The following HYDIN variants were observed in gnomAD, a reference collection of about 807,000 sequenced individuals.
HYDIN encodes the protein axonemal central pair apparatus protein HYDIN.
A neutral mutation model predicts 403.9 loss-of-function variants in HYDIN; 132 were observed. The observed-to-expected ratio is 0.33, with a 90% CI of 0.28 to 0.38. The LOEUF (loss-of-function observed/expected upper bound fraction) is 0.38. Ranked by LOEUF, HYDIN falls within the 10% of genes least tolerant of loss-of-function variation. The pLI, the probability that HYDIN is intolerant of heterozygous loss-of-function variation, is 1.00. For missense variants in HYDIN, 2,827 were observed against 5,009.5 expected, an observed-to-expected ratio of 0.56 and a Z score of 13.15; for synonymous variants, 1,202 against 1,891.7, an observed-to-expected ratio of 0.64 and a Z score of 9.46.
chr16:71,005,002 A>G (rs1246051810), intron 23 of HYDIN, among the ~76,000 whole-genome samples: 1 of 152,216 alleles, frequency 6.6e-6, no homozygotes, highest in Non-Finnish European at 1.5e-5. Context: ...TATGTTTTAA[A>G]ATGTCTAAGC....
rs112409571 is a variant in HYDIN, at chr16:71,107,771, C to T, written c.1327+7925G>A. 1.1e-4 allele frequency among the ~76,000 whole-genome samples: 16 copies of T among 151,922 alleles called. 1 individual carries two copies. The highest frequency in any genetic ancestry group is 3.9e-4 in the African/African-American group (16 of 41,432). On this transcript the variant is annotated intron_variant, in intron 10 of 85. Transcript: ENST00000393567. ...TATGGAAAGCAGTGTGGTGATTCTT[C>T]AAAAAACAAAAAATAGAACTACCAT...
intron 23 of HYDIN, among the ~76,000 whole-genome samples, chr16:71,017,754 TA>T (rs1199960096): frequency 6.2e-4 from 94 of 151,382 alleles, no homozygotes; most frequent in Admixed American, 1.6e-3. Flanking sequence ...ATTGTACACT[TA>T]AAAATTTGTT....
At position 70,861,030 on chromosome 16, in the gene HYDIN, G is replaced by C. The variant is rs921282767; in HGVS notation, c.11778-129C>G. The C allele has an allele frequency of 1.5e-5, 10 of 650,684 alleles. No individual in the cohort carries two copies. The East Asian group carries it at 2.7e-4, about 18-fold the overall frequency. The allele number at this position is 650,684 out of a possible 1,614,324, so 40.3% of individuals were successfully genotyped here. A position where few individuals can be genotyped will look rare whatever the true frequency, so the allele number is the denominator to read the frequency against. On this transcript the variant is annotated intron_variant, in intron 69 of 85. Coordinates refer to ENST00000393567, the MANE Select transcript of HYDIN (RefSeq NM_001270974.2). ...GGGAGCAGAGGCTGGGTCTGTCTTGGTCAATAGCATCACTCAGTGCCTTGA... is the reference window on the plus strand; with the variant it reads ...GGGAGCAGAGGCTGGGTCTGTCTTGCTCAATAGCATCACTCAGTGCCTTGA...
intron 23 of HYDIN, among the ~76,000 whole-genome samples, chr16:70,993,834 C>G (rs1304190005): frequency 6.6e-6 from 1 of 151,032 alleles, no homozygotes; most frequent in African/African-American, 2.4e-5. Context: ...CTCATCCACA[C>G]TTGGTATTTA....
intron 21 of HYDIN, among the ~76,000 whole-genome samples, chr16:71,024,052 T>C (rs1229808888): frequency 1.3e-5 from 2 of 152,238 alleles, no homozygotes; most frequent in Non-Finnish European, 2.9e-5. Context: ...TTCTCACTGT[T>C]GTATCTCTAG....
chr16:71,210,192 A>T (rs1156913767), intron 1 of HYDIN, among the ~76,000 whole-genome samples: 1 of 152,246 alleles, frequency 6.6e-6, no homozygotes, highest in East Asian at 1.9e-4. Flanking sequence ...TCATTCTACC[A>T]TAAAGACACA....
intron 10 of HYDIN, among the ~76,000 whole-genome samples, chr16:71,106,168 C>CCTCT (rs10549453): frequency 5.5e-5 from 8 of 144,786 alleles, no homozygotes; most frequent in East Asian, 4.1e-4. Flanking sequence ...TCCCTCCCTC[C>CCTCT]CTCTCTCTCT....
At chr16:70,923,820 C>CAA (rs11316592) in intron 45 of HYDIN, among the ~76,000 whole-genome samples, 5 of 50,376 alleles carry the variant, frequency 9.9e-5, no homozygotes, top group East Asian at 5.6e-4. Context: ...GACTCTGTCT[C>CAA]AAAAAAAAAA....
At chr16:70,967,518 G>T (rs2071902609) in intron 36 of HYDIN, among the ~76,000 whole-genome samples, 1 of 151,478 alleles carries the variant, frequency 6.6e-6, no homozygotes. Context: ...GTCTCGCTCT[G>T]TCGCCCAGGC....
rs1567754399 is a variant in HYDIN at position 70,879,711 on chromosome 16, T to C, written c.10261A>G (p.Met3421Val). 7.1e-7 allele frequency: 1 copy of C among 1,408,992 alleles called. No individual in the cohort carries two copies. Among genetic ancestry groups the C allele is most frequent in the Admixed American group, 1.7e-5 (1 of 58,420 alleles). The allele number at this position is 1,408,992 out of a possible 1,614,324, so 87.3% of individuals were successfully genotyped here. A position where few individuals can be genotyped will look rare whatever the true frequency, so the allele number is the denominator to read the frequency against. Residue 3421 changes from methionine (M) to valine (V), a missense_variant, in exon 61 of 86, where the codon ATG (methionine) becomes GTG (valine). Transcript: ENST00000393567. Reference sequence around the variant, plus strand: ...GCATGGGAATGACTGGCAATGCACATCTTGCTGGGTTCCACTTCAAAAATG... The same window carrying C: ...GCATGGGAATGACTGGCAATGCACACCTTGCTGGGTTCCACTTCAAAAATG... ...VDIFEVEPSK[M>V]CIASHSHAFA... is the part of the protein sequence containing the mutation.
chr16:70,944,075 A>G, intron 41 of HYDIN, 126 bp from the exon 42 acceptor site: 1 of 691,448 alleles, frequency 1.4e-6, no homozygotes, highest in Non-Finnish European at 2.4e-6. Flanking sequence ...TACAATGGGA[A>G]CTGCATTATA....
rs1330354771 is a variant in HYDIN at position 71,064,718 on chromosome 16, T to G, written c.2198A>C (p.Glu733Ala). The G allele has an allele frequency of 6.2e-7, 1 of 1,613,914 alleles. No individual in the cohort carries two copies. Among genetic ancestry groups the G allele is most frequent in the Admixed American group, 1.7e-5 (1 of 59,992 alleles). Residue 733 changes from glutamate (E) to alanine (A), a missense_variant, in exon 16 of 86, where the codon GAG (glutamate) becomes GCG (alanine). By Grantham distance (107) the Glu-to-Ala change is moderately radical. Coordinates refer to ENST00000393567, the MANE Select transcript of HYDIN (RefSeq NM_001270974.2). ...AAAGGAACTCACCTGAGGCTGGACC[T>G]CATAGAATCCTGGGAGGTCATCTTG... is the stretch of plus-strand genomic sequence containing the variant. ...ANQDDLPGFY[E>A]VQPQVCEEVP...
At chr16:70,890,402 A>C (rs1377683463) in intron 57 of HYDIN, among the ~76,000 whole-genome samples, 2 of 152,240 alleles carry the variant, frequency 1.3e-5, no homozygotes, top group African/African-American at 4.8e-5. Context: ...AACAGAATTA[A>C]GTCATAATCA....
intron 1 of HYDIN, among the ~76,000 whole-genome samples, chr16:71,203,415 C>T (rs1226617890): frequency 6.6e-6 from 1 of 152,046 alleles, no homozygotes; most frequent in Non-Finnish European, 1.5e-5. Flanking sequence ...AAAATTTATT[C>T]CTGGAGTTTA....
chr16:71,069,478 G>C lies in HYDIN; in HGVS notation c.1763C>G (p.Ser588Cys). The change falls in exon 14 of 86, where the codon TCC (serine) becomes TGC (cysteine). Residue 588 changes from serine to cysteine, a missense_variant. Ser to Cys is a moderately radical substitution (Grantham distance 112). Coordinates refer to ENST00000393567, the MANE Select transcript of HYDIN (RefSeq NM_001270974.2). Reference protein sequence around the residue: ...SFGFPHTLICSLNNTSLIPMT... With the variant: ...SFGFPHTLICCLNNTSLIPMT... ...GGGGATCAAAGAGGTATTATTGAGG[G>C]AACATATCAAGGTATGAGGAAACCC... 6.2e-7 allele frequency: 1 copy of C among 1,613,530 alleles called. No individual in the cohort carries two copies. The highest frequency in any genetic ancestry group is 1.1e-5 in the South Asian group (1 of 90,992).
In HYDIN at chr16:70,879,505, T is replaced by A. The variant is rs370796049; in HGVS notation, c.10368-19A>T. 2.9e-5 allele frequency: 47 copies of A among 1,611,420 alleles called. No homozygotes were observed. Among genetic ancestry groups the A allele is most frequent in the Non-Finnish European group, 3.8e-5 (45 of 1,178,566 alleles). On this transcript the variant is annotated intron_variant, in intron 61 of 85. Coordinates refer to ENST00000393567, the MANE Select transcript of HYDIN (RefSeq NM_001270974.2). Reference sequence around the variant, plus strand: ...CAGGGTGCTGTAGGGGACAGGAAGATTGTAGCCTGTCAGCCTGGCATGGTG... The same window carrying A: ...CAGGGTGCTGTAGGGGACAGGAAGAATGTAGCCTGTCAGCCTGGCATGGTG...
At chr16:71,135,546 A>C (rs541588405) in intron 8 of HYDIN, among the ~76,000 whole-genome samples, 37 of 145,090 alleles carry the variant, frequency 2.6e-4, no homozygotes, top group African/African-American at 9.2e-4. Flanking sequence ...ACTCTCCACA[A>C]AGGGTTATGC....
Position 70,884,073 on chromosome 16 carries a change from G to A in HYDIN, c.9826C>T (p.Pro3276Ser). The change falls in exon 59 of 86, where the codon CCT becomes TCT. Residue 3276 changes from proline to serine, a missense_variant. By Grantham distance (74) the Pro-to-Ser change is moderately conservative. Transcript: ENST00000393567. The stretch of plus-strand genomic sequence containing the variant: ...TTGATGACCTGCTGTCCTCCGGAAG[G>A]AATGGAGCCAAACCCAGGGTACACG... ...FTVYPGFGSI[P>S]SGGQQVINVD... 9.9e-6 allele frequency: 16 copies of A among 1,612,268 alleles called. No individual in the cohort carries two copies. Among genetic ancestry groups the A allele is most frequent in the Non-Finnish European group, 1.4e-5 (16 of 1,179,254 alleles).
intron 37 of HYDIN, among the ~76,000 whole-genome samples, chr16:70,963,955 G>A (rs577072136): frequency 1.4e-5 from 2 of 138,798 alleles, no homozygotes; most frequent in East Asian, 2.1e-4. Context: ...AAATAATTAC[G>A]TGTATGACTG....
Sources: allele counts gnomAD v4.1 joint callset (sites outside exome capture counted in the v4.1 genomes callset), GRCh38; gene constraint gnomAD v4.1.1; transcripts MANE v1.5; gene names NCBI Gene and HGNC (gene_info 2026-07-23, HGNC 2026-07-21).